Variants in PAX7 observed in about 807,000 individuals in gnomAD.
The protein encoded by PAX7 is paired box protein Pax-7.
Under a neutral mutation model 50.7 loss-of-function variants are expected in PAX7, and 18 were observed. That is an observed-to-expected ratio of 0.36 (90% CI 0.25 to 0.53). The LOEUF (loss-of-function observed/expected upper bound fraction) is 0.53. PAX7 is among the 20% of genes least tolerant of loss of function. The probability of loss-of-function intolerance (pLI) is 0.93; values close to 1 mark genes in which losing one functional copy is unlikely to be tolerated. For synonymous variants in PAX7, 310 were observed against 290.4 expected (o/e 1.07, Z -0.69); for missense variants, 644 against 702.9 (o/e 0.92, Z 0.95).
chr1:18,697,998 GA>G (rs2089170249), intron 5 of PAX7, among the ~76,000 whole-genome samples: 1 of 152,048 alleles, frequency 6.6e-6, no homozygotes, highest in African/African-American at 2.4e-5. Context: ...AGTAGGAAAA[GA>G]AAAGGAAGGG....
chr1:18,634,994 A>G lies in PAX7; in HGVS notation c.322-117A>G. ...AGCCAATCTCTTGGGGGATGGGGGG[A>G]CACAAGGTAACCAGAACCACCAGCC... is the stretch of plus-strand genomic sequence containing the variant. On this transcript the variant is annotated intron_variant, in intron 2 of 8. Transcript: ENST00000420770. The surrounding 1 kb of genome is among the most constrained non-coding windows in gnomAD (Gnocchi z 4.0). 3.9e-6 allele frequency: 5 copies of G among 1,273,132 alleles called. No individual in the cohort carries two copies. The highest frequency in any genetic ancestry group is 3.1e-5 in the South Asian group (2 of 64,306). 78.9% of individuals were successfully genotyped at this position (1,273,132 alleles called of 1,614,324 possible).
intron 4 of PAX7, among the ~76,000 whole-genome samples, chr1:18,659,823 G>T (rs532004079): frequency 2.6e-5 from 4 of 152,288 alleles, no homozygotes; most frequent in African/African-American, 7.2e-5. Context: ...CCCCTGGCGT[G>T]TAAGGATCAA....
chr1:18,742,161 T>C (rs1263280420), intron 8 of PAX7, among the ~76,000 whole-genome samples: 2 of 141,404 alleles, frequency 1.4e-5, no homozygotes, highest in African/African-American at 2.7e-5. Flanking sequence ...TTTTTTTTTT[T>C]TTTTTTTTTT....
At chr1:18,645,377 G>A (rs1186848892) in intron 4 of PAX7, among the ~76,000 whole-genome samples, 1 of 152,250 alleles carries the variant, frequency 6.6e-6, no homozygotes, top group Non-Finnish European at 1.5e-5. Context: ...AGGCCCCCGA[G>A]CGGGACAGAA....
intron 7 of PAX7, among the ~76,000 whole-genome samples, chr1:18,731,205 C>CTCCG (rs2089642133): frequency 1.3e-5 from 2 of 152,206 alleles, no homozygotes; most frequent in Non-Finnish European, 2.9e-5. Flanking sequence ...AGTTTGCAGG[C>CTCCG]TCCGGACCTC....
chr1:18,735,134 C>A lies in PAX7; in HGVS notation c.1156-498C>A, dbSNP rs982950255. On this transcript the variant is annotated intron_variant, in intron 7 of 8. Coordinates refer to ENST00000420770, the MANE Select transcript of PAX7 (RefSeq NM_001135254.2). The surrounding 1 kb of genome is among the most constrained non-coding windows in gnomAD (Gnocchi z 4.0). ...GAGTCCGGAGGAGTGGCAGGCAGAG[C>A]AAGCCACACACAGTGACAGCAGACA... 3.3e-5 allele frequency among the ~76,000 whole-genome samples: 5 copies of A among 152,114 alleles called. No homozygotes were observed. The highest frequency in any genetic ancestry group is 6.5e-5 in the Admixed American group (1 of 15,282).
At chr1:18,723,140 C>G (rs924677094) in intron 7 of PAX7, among the ~76,000 whole-genome samples, 1 of 152,288 alleles carries the variant, frequency 6.6e-6, no homozygotes, top group Admixed American at 6.5e-5. Context: ...GCTTCCTTAG[C>G]CTTGATGCTC....
chr1:18,658,098 C>T (rs1345042628), intron 4 of PAX7, among the ~76,000 whole-genome samples: 1 of 152,184 alleles, frequency 6.6e-6, no homozygotes, highest in Non-Finnish European at 1.5e-5. Flanking sequence ...CCCAAAGCTC[C>T]GTCCATCACT....
chr1:18,721,696 T>C (rs1357182184), intron 7 of PAX7, among the ~76,000 whole-genome samples: 1 of 152,076 alleles, frequency 6.6e-6, no homozygotes, highest in Non-Finnish European at 1.5e-5. Context: ...TGGTGGTGGA[T>C]GTGGGGATAA....
In PAX7 at chr1:18,636,756, G is replaced by A. The variant is rs2088164978; in HGVS notation, c.586+385G>A. 6.6e-6 allele frequency among the ~76,000 whole-genome samples: 1 copy of A among 152,114 alleles called. No individual in the cohort carries two copies. Among genetic ancestry groups the A allele is most frequent in the African/African-American group, 2.4e-5 (1 of 41,434 alleles). ...TTATTTATAGGAAACTTGGGCAAGG[G>A]GGCGGGGGACGGGAGGGAGGGAGAG... On this transcript the variant is annotated intron_variant, in intron 4 of 8. Transcript: ENST00000420770. This position sits in a 1 kb window ranked among gnomAD's most constrained non-coding sequence, Gnocchi z 5.1.
intron 4 of PAX7, among the ~76,000 whole-genome samples, chr1:18,669,103 G>T (rs535174081): frequency 6.6e-6 from 1 of 152,208 alleles, no homozygotes; most frequent in South Asian, 2.1e-4. Flanking sequence ...GGGATCGGGG[G>T]CCAAGGGACA....
intron 8 of PAX7, among the ~76,000 whole-genome samples, chr1:18,739,142 C>A (rs1250895012): frequency 6.6e-6 from 1 of 152,234 alleles, no homozygotes; most frequent in Admixed American, 6.5e-5. Context: ...TCATGTCATT[C>A]TCTAAGTTAT....
At chr1:18,736,170 A>C in intron 8 of PAX7, 1 of 612,620 alleles carries the variant, frequency 1.6e-6, no homozygotes, top group Non-Finnish European at 2.9e-6. Context: ...ATTTTAAAAC[A>C]TAAGAAGAAA....
At chr1:18,731,219 T>A (rs2089642991) in intron 7 of PAX7, among the ~76,000 whole-genome samples, 1 of 152,226 alleles carries the variant, frequency 6.6e-6, no homozygotes, top group African/African-American at 2.4e-5. Flanking sequence ...GGACCTCAGC[T>A]GGATTCCTAA....
At chr1:18,695,323 C>G (rs1412039205) in intron 5 of PAX7, among the ~76,000 whole-genome samples, 1 of 152,222 alleles carries the variant, frequency 6.6e-6, no homozygotes, top group Admixed American at 6.5e-5. Flanking sequence ...GCCACCTTTG[C>G]AGCTCCAGGT....
chr1:18,660,289 C>G (rs1279602892), intron 4 of PAX7, among the ~76,000 whole-genome samples: 2 of 152,150 alleles, frequency 1.3e-5, no homozygotes, highest in Non-Finnish European at 2.9e-5. Flanking sequence ...TGACACCACT[C>G]CAACCCAACT....
rs2100296465 is a variant in PAX7, at chr1:18,691,880, G to A, written c.713G>A (p.Arg238Lys). The A allele has an allele frequency of 1.2e-6, 2 of 1,614,016 alleles. No individual in the cohort carries two copies. The highest frequency in any genetic ancestry group is 1.7e-6 in the Non-Finnish European group (2 of 1,180,012). Reference sequence around the variant, plus strand: ...GAGGAGCTGGAGAAGGCCTTTGAGAGGACCCACTACCCAGACATATACACC... The same window carrying A: ...GAGGAGCTGGAGAAGGCCTTTGAGAAGACCCACTACCCAGACATATACACC... ...QLEELEKAFE[R>K]THYPDIYTRE... Residue 238 changes from arginine (R) to lysine (K), a missense_variant, in exon 5 of 9, where the codon AGG becomes AAG. Transcript: ENST00000420770.
At chr1:18,637,942 T>C (rs928786778) in intron 4 of PAX7, among the ~76,000 whole-genome samples, 21 of 152,260 alleles carry the variant, frequency 1.4e-4, no homozygotes, top group Admixed American at 1.2e-3. Context: ...GGTCCTTGGC[T>C]AGGCCAGTCG....
intron 7 of PAX7, among the ~76,000 whole-genome samples, chr1:18,709,462 A>G (rs891664536): frequency 1.3e-5 from 2 of 152,208 alleles, no homozygotes; most frequent in Admixed American, 6.5e-5. Context: ...ATCACGGCCA[A>G]CCAGCCTTTC....
Sources: allele counts gnomAD v4.1 joint callset (sites outside exome capture counted in the v4.1 genomes callset), GRCh38; gene constraint gnomAD v4.1.1; non-coding constraint Gnocchi (gnomAD v3.1); transcripts MANE v1.5; gene names NCBI Gene and HGNC (gene_info 2026-07-23, HGNC 2026-07-21).